The following CAPN2 variants were observed in gnomAD, a reference collection of about 807,000 sequenced individuals.
CAPN2 encodes the protein calpain 2.
CAPN2 carries 92 observed loss-of-function variants against 102.3 expected under a neutral mutation model. That is an observed-to-expected ratio of 0.90 (90% CI 0.76 to 1.07). CAPN2 has a LOEUF of 1.07. Among genes scored for constraint, CAPN2 ranks in the 50% least tolerant of loss-of-function variants. The probability of loss-of-function intolerance (pLI) is 0.00; values close to 1 mark genes in which losing one functional copy is unlikely to be tolerated. For missense variants in CAPN2, 800 were observed against 909.4 expected (o/e 0.88, Z 1.55); for synonymous variants, 340 against 355.4 (o/e 0.96, Z 0.49).
chr1:223,756,666 C>CAGG lies in CAPN2; in HGVS notation c.1306-703_1306-702insAGG, dbSNP rs1571811488. Among the ~76,000 whole-genome samples, 1 of 152,216 alleles carries CAGG rather than the reference C, an allele frequency of 6.6e-6. No individual in the cohort carries two copies. The highest frequency in any genetic ancestry group is 1.9e-4 in the East Asian group (1 of 5,194). ...GTTGCCACCCATGGAACACTGACTT[C>CAGG]TACCTGCTCACCCACCTGAGAAAGG... On this transcript the variant is annotated intron_variant, in intron 10 of 20. Coordinates refer to ENST00000295006, the MANE Select transcript of CAPN2 (RefSeq NM_001748.5). This position sits in a 1 kb window ranked among gnomAD's most constrained non-coding sequence, Gnocchi z 4.1.
intron 1 of CAPN2, among the ~76,000 whole-genome samples, chr1:223,717,536 C>T (rs573974017): frequency 6.6e-6 from 1 of 152,226 alleles, no homozygotes; most frequent in Admixed American, 6.5e-5. Flanking sequence ...GTGCAGGGTC[C>T]AATGCCTGCC....
chr1:223,749,478 A>C, intron 6 of CAPN2: 1 of 263,620 alleles, frequency 3.8e-6, no homozygotes, highest in East Asian at 8.2e-5. Flanking sequence ...TTCTCTTTTG[A>C]TCTCGTAAAA....
intron 2 of CAPN2, among the ~76,000 whole-genome samples, chr1:223,740,212 C>G (rs946820799): frequency 6.6e-6 from 1 of 152,162 alleles, no homozygotes. Context: ...ACCGTGCCAC[C>G]TGGACGCTGA....
At chr1:223,751,126 G>A (rs1249100829) in intron 7 of CAPN2, 151 bp downstream of exon 7, 5 of 686,132 alleles carry the variant, frequency 7.3e-6, no homozygotes, top group Non-Finnish European at 1.0e-5. Context: ...GTGGACAGGG[G>A]CCCCTCAAAG....
chr1:223,735,421 A>G lies in CAPN2; in HGVS notation c.308-8679A>G, dbSNP rs137978652. Among the ~76,000 whole-genome samples the G allele has an allele frequency of 5.1e-3, 780 of 151,878 alleles. 32 individuals carry two copies. The East Asian group carries it at 0.11, about 21-fold the overall frequency. ...TGGGCGCCTGTAATCCCAGCTACTCAGGAGGCTGAGGCAGGAGAATTGCTT... is the reference window on the plus strand; with the variant it reads ...TGGGCGCCTGTAATCCCAGCTACTCGGGAGGCTGAGGCAGGAGAATTGCTT... On this transcript the variant is annotated intron_variant, in intron 2 of 20. Transcript: ENST00000295006.
chr1:223,762,883 T>G (rs1003352161), intron 14 of CAPN2, among the ~76,000 whole-genome samples: 1 of 152,008 alleles, frequency 6.6e-6, no homozygotes, highest in African/African-American at 2.4e-5. Context: ...GAGATGGAGT[T>G]TTGCCATGTT....
chr1:223,709,661 C>CAAAAAAAA (rs779362608), upstream of CAPN2, among the ~76,000 whole-genome samples: 3 of 137,820 alleles, frequency 2.2e-5, no homozygotes, highest in Admixed American at 7.1e-5. Context: ...AACTCCATCT[C>CAAAAAAAA]AAAAAAAAAA....
At chr1:223,703,891 TC>T (rs1243234484) in intron 1 of CAPN2, among the ~76,000 whole-genome samples, 1 of 152,168 alleles carries the variant, frequency 6.6e-6, no homozygotes, top group African/African-American at 2.4e-5. Context: ...ATAAAGCATT[TC>T]CCAAATTCAT....
At position 223,752,030 on chromosome 1, in the gene CAPN2, G is replaced by A; in HGVS notation, c.933G>A (p.Glu311=). 7 of 1,613,456 alleles carry A rather than the reference G, an allele frequency of 4.3e-6. No homozygotes were observed. The highest frequency in any genetic ancestry group is 5.9e-6 in the Non-Finnish European group (7 of 1,179,498). The change falls in exon 8 of 21, where the codon GAG becomes GAA. Residue 311 remains glutamate (E), a synonymous_variant. Transcript: ENST00000295006. The part of the protein sequence containing the change: ...CPSWNTIDPE[E]RERLTRRHED... Reference sequence around the variant, plus strand: ...GCTGGAACACTATAGACCCAGAGGAGAGGGAAAGGCTGACCAGACGGCATG... The same window carrying A: ...GCTGGAACACTATAGACCCAGAGGAAAGGGAAAGGCTGACCAGACGGCATG...
chr1:223,735,294 A>G (rs1660425949), intron 2 of CAPN2, among the ~76,000 whole-genome samples: 1 of 152,084 alleles, frequency 6.6e-6, no homozygotes, highest in African/African-American at 2.4e-5. Context: ...TTGGGTGGCC[A>G]AGGCGGGTGG....
chr1:223,734,725 C>A (rs1327365234), intron 2 of CAPN2, among the ~76,000 whole-genome samples: 1 of 152,196 alleles, frequency 6.6e-6, no homozygotes, highest in Non-Finnish European at 1.5e-5. Flanking sequence ...AACTCCACTT[C>A]CCTTGAGTTT....
intron 4 of CAPN2, among the ~76,000 whole-genome samples, chr1:223,745,756 G>A (rs1397941428): frequency 6.6e-6 from 1 of 152,358 alleles, no homozygotes; most frequent in South Asian, 2.1e-4. Flanking sequence ...GCTGATAAAT[G>A]ATGTCTATCA....
intron 2 of CAPN2, among the ~76,000 whole-genome samples, chr1:223,721,303 C>G (rs1369123041): frequency 6.6e-6 from 1 of 152,206 alleles, no homozygotes; most frequent in Non-Finnish European, 1.5e-5. Flanking sequence ...GGGGTAATAA[C>G]CACATTCTTA....
chr1:223,772,571 TATA>T, intron 20 of CAPN2: 2 of 271,224 alleles, frequency 7.4e-6, no homozygotes, highest in Middle Eastern at 2.3e-3. Context: ...AACATGTTTA[TATA>T]AAGAAATCCT....
chr1:223,728,228 T>C (rs1021885936), intron 2 of CAPN2, among the ~76,000 whole-genome samples: 3 of 152,114 alleles, frequency 2.0e-5, no homozygotes, highest in African/African-American at 7.2e-5. Flanking sequence ...TGGGCAACTC[T>C]CTCCCGCTCT....
rs144240965 is a variant in CAPN2, at chr1:223,706,703, T to C, written c.3+4872T>C. 6.6e-3 allele frequency among the ~76,000 whole-genome samples: 1,011 copies of C among 152,050 alleles called. 7 individuals carry two copies. Among genetic ancestry groups the C allele is most frequent in the East Asian group, 0.019 (98 of 5,190 alleles). On this transcript the variant is annotated intron_variant, in intron 1 of 20. Transcript: ENST00000433674. ...GCTGTGAAGATTAAGTGCACAAATA[T>C]GTGTAAAGTGCACAAATATGTCAAA...
intron 2 of CAPN2, among the ~76,000 whole-genome samples, chr1:223,729,122 G>T (rs951304664): frequency 2.6e-5 from 4 of 152,162 alleles, no homozygotes; most frequent in Non-Finnish European, 5.9e-5. Context: ...GGCTCAGGAT[G>T]CCTACAGGTG....
At chr1:223,745,017 C>T (rs1376329637) in intron 3 of CAPN2, among the ~76,000 whole-genome samples, 1 of 150,826 alleles carries the variant, frequency 6.6e-6, no homozygotes, top group East Asian at 1.9e-4. Flanking sequence ...TGCACTCCAG[C>T]CTGGGCAGAG....
At chr1:223,749,227 A>G in intron 6 of CAPN2, 105 bp downstream of exon 6, 1 of 954,730 alleles carries the variant, frequency 1.0e-6, no homozygotes, top group Non-Finnish European at 1.6e-6. Context: ...ACGGTGGTCC[A>G]GTTTACACTC....
Sources: gnomAD v4.1 joint callset for allele counts (sites outside exome capture counted in the v4.1 genomes callset) on GRCh38, gnomAD v4.1.1 for gene constraint, Gnocchi (gnomAD v3.1) non-coding constraint, MANE v1.5 for transcripts, NCBI Gene and HGNC (gene_info 2026-07-23, HGNC 2026-07-21) for gene names.